Variants in NKAIN2 observed in about 807,000 individuals in gnomAD.
The protein encoded by NKAIN2 is sodium/potassium transporting ATPase interacting 2.
A neutral mutation model predicts 32.6 loss-of-function variants in NKAIN2; 14 were observed. That is an observed-to-expected ratio of 0.43 (90% confidence interval 0.28 to 0.67). The LOEUF is 0.67. NKAIN2 is among the 30% of genes least tolerant of loss of function. NKAIN2 has a pLI of 0.17. For missense variants in NKAIN2, 198 were observed against 258.3 expected (o/e 0.77, Z 1.60); for synonymous variants, 80 against 87.2 (o/e 0.92, Z 0.46).
chr6:123,934,749 T>G (rs1237247585), intron 1 of NKAIN2, among the ~76,000 whole-genome samples: 1 of 152,108 alleles, frequency 6.6e-6, no homozygotes, highest in East Asian at 1.9e-4. Context: ...CAAAATGTAT[T>G]TTTGGCCAGT....
chr6:123,891,252 C>T (rs1774002078), intron 1 of NKAIN2, among the ~76,000 whole-genome samples: 1 of 152,164 alleles, frequency 6.6e-6, no homozygotes, highest in African/African-American at 2.4e-5. Flanking sequence ...TGAAAAAGTT[C>T]AGGAAATATT....
intron 1 of NKAIN2, among the ~76,000 whole-genome samples, chr6:124,193,309 G>A (rs1307341644): frequency 6.6e-6 from 1 of 152,196 alleles, no homozygotes. Flanking sequence ...AGGGGTGTGT[G>A]AGTGAGCGAG....
intron 3 of NKAIN2, among the ~76,000 whole-genome samples, chr6:124,396,668 C>T (rs750824817): frequency 4.6e-5 from 7 of 151,986 alleles, no homozygotes; most frequent in South Asian, 2.1e-4. Context: ...GGCCAGAGAT[C>T]ATTAAGAATG....
intron 1 of NKAIN2, among the ~76,000 whole-genome samples, chr6:124,152,846 A>T (rs931080945): frequency 1.1e-4 from 16 of 151,966 alleles, no homozygotes; most frequent in African/African-American, 3.9e-4. Context: ...AAATTTTGCC[A>T]CTTGTAACAT....
chr6:124,189,113 A>C (rs1250317746), intron 1 of NKAIN2, among the ~76,000 whole-genome samples: 6 of 152,042 alleles, frequency 3.9e-5, no homozygotes, highest in Non-Finnish European at 7.4e-5. Context: ...ATTTTTTTGC[A>C]TTAAGGTGCT....
chr6:123,908,812 A>C (rs1042200621), intron 1 of NKAIN2, among the ~76,000 whole-genome samples: 5 of 152,218 alleles, frequency 3.3e-5, no homozygotes, highest in Non-Finnish European at 5.9e-5. Context: ...GAGTCTATAC[A>C]GAGGACAGGA....
At chr6:124,280,332 A>T (rs1382188309) in intron 1 of NKAIN2, among the ~76,000 whole-genome samples, 1 of 152,228 alleles carries the variant, frequency 6.6e-6, no homozygotes, top group East Asian at 1.9e-4. Flanking sequence ...ATGAAGTAGC[A>T]TATATTATAT....
intron 3 of NKAIN2, among the ~76,000 whole-genome samples, chr6:124,486,326 A>G (rs182027525): frequency 1.3e-5 from 2 of 152,350 alleles, no homozygotes; most frequent in East Asian, 3.9e-4. Flanking sequence ...ACATAGAAAT[A>G]TAAATGAGAA....
At chr6:124,217,270 G>T (rs111712244) in intron 1 of NKAIN2, among the ~76,000 whole-genome samples, 1 of 152,090 alleles carries the variant, frequency 6.6e-6, no homozygotes, top group South Asian at 2.1e-4. Flanking sequence ...CATATAAATT[G>T]TGATATTACA....
intron 1 of NKAIN2, among the ~76,000 whole-genome samples, chr6:123,971,144 A>G (rs1035660980): frequency 6.6e-6 from 1 of 151,986 alleles, no homozygotes; most frequent in African/African-American, 2.4e-5. Flanking sequence ...GTAAGTACAT[A>G]CTTAGTATAT....
intron 1 of NKAIN2, among the ~76,000 whole-genome samples, chr6:124,006,057 C>T (rs536843547): frequency 3.2e-4 from 48 of 152,190 alleles, no homozygotes; most frequent in African/African-American, 1.1e-3. Context: ...ATGCTATTTG[C>T]GTAGGGTTTG....
chr6:124,508,731 G>A (rs565046878), intron 3 of NKAIN2, among the ~76,000 whole-genome samples: 2 of 152,286 alleles, frequency 1.3e-5, no homozygotes, highest in South Asian at 2.1e-4. Flanking sequence ...CTGGAGGCTA[G>A]CAGTGAAATC....
At chr6:123,925,627 G>A (rs1160623418) in intron 1 of NKAIN2, among the ~76,000 whole-genome samples, 1 of 152,134 alleles carries the variant, frequency 6.6e-6, no homozygotes, top group Non-Finnish European at 1.5e-5. Context: ...ACTAGTGTAT[G>A]TTGCTTTGGT....
chr6:124,797,355 C>T (rs1780050166), intron 5 of NKAIN2, among the ~76,000 whole-genome samples: 1 of 152,012 alleles, frequency 6.6e-6, no homozygotes, highest in African/African-American at 2.4e-5. Flanking sequence ...AATGTATTTG[C>T]AAATGTTGTT....
At chr6:124,460,793 G>A (rs187409734) in intron 3 of NKAIN2, among the ~76,000 whole-genome samples, 317 of 151,662 alleles carry the variant, frequency 2.1e-3, no homozygotes, top group African/African-American at 7.3e-3. Context: ...ATCATTTTCT[G>A]TGTGATTACT....
At chr6:124,795,993 C>G (rs1206070984) in intron 5 of NKAIN2, among the ~76,000 whole-genome samples, 1 of 152,132 alleles carries the variant, frequency 6.6e-6, no homozygotes, top group Non-Finnish European at 1.5e-5. Context: ...AAGTTTACAT[C>G]TCTGACCCTT....
At chr6:124,493,504 A>T (rs1777945103) in intron 3 of NKAIN2, among the ~76,000 whole-genome samples, 2 of 151,940 alleles carry the variant, frequency 1.3e-5, no homozygotes, top group African/African-American at 4.8e-5. Context: ...AATGAACAGG[A>T]AGTGTGTCCT....
chr6:124,746,117 G>A (rs1460900002), intron 4 of NKAIN2, among the ~76,000 whole-genome samples: 3 of 151,864 alleles, frequency 2.0e-5, no homozygotes, highest in Non-Finnish European at 4.4e-5. Context: ...TGGCACCCCT[G>A]CTTTTGATGA....
At chr6:124,821,225 G>A (rs1781382184) in intron 6 of NKAIN2, among the ~76,000 whole-genome samples, 1 of 151,832 alleles carries the variant, frequency 6.6e-6, no homozygotes. Flanking sequence ...AACCTGGGAG[G>A]TGGAGGTTGC....
Sources: gnomAD v4.1 joint callset for allele counts (sites outside exome capture counted in the v4.1 genomes callset) on GRCh38, gnomAD v4.1.1 for gene constraint, MANE v1.5 for transcripts, NCBI Gene and HGNC (gene_info 2026-07-23, HGNC 2026-07-21) for gene names.